TBC1D19: variants seen among roughly 807,000 people sequenced by gnomAD.
TBC1D19 encodes the protein TBC1 domain family, member 19.
In TBC1D19, 60 loss-of-function variants were observed where a neutral mutation model predicts 89.0. The observed-to-expected ratio is 0.67, with a 90% confidence interval of 0.55 to 0.84. The LOEUF is 0.84. Ranked by LOEUF, TBC1D19 falls within the 40% of genes least tolerant of loss-of-function variation. The pLI is 0.00. For synonymous variants in TBC1D19, 189 were observed against 199.7 expected (o/e 0.95, Z 0.45); for missense variants, 500 against 610.8 (o/e 0.82, Z 1.91).
intron 8 of TBC1D19, among the ~76,000 whole-genome samples, chr4:26,664,767 G>A (rs1711649193): frequency 6.6e-6 from 1 of 151,880 alleles, no homozygotes; most frequent in Non-Finnish European, 1.5e-5. Flanking sequence ...CCCTCCCCCT[G>A]TGCTCTCAGG....
the TBC1D19 span, among the ~76,000 whole-genome samples, chr4:26,777,555 C>T: frequency 3.9e-5 from 6 of 152,152 alleles, no homozygotes; most frequent in Admixed American, 6.5e-5. Context: ...TCTTATGCTT[C>T]AGCCTCCAGA....
chr4:26,745,457 G>A (rs955229620), intron 18 of TBC1D19, among the ~76,000 whole-genome samples: 3 of 118,992 alleles, frequency 2.5e-5, no homozygotes, highest in African/African-American at 9.5e-5. Flanking sequence ...TACTTTTAAA[G>A]TATGTTTTTG....
chr4:26,659,597 G>A lies in TBC1D19; in HGVS notation c.481G>A (p.Val161Ile), dbSNP rs1560454056. 6.4e-7 allele frequency: 1 copy of A among 1,574,738 alleles called. No homozygotes were observed. Among genetic ancestry groups the A allele is most frequent in the Admixed American group, 1.7e-5 (1 of 59,394 alleles). The stretch of plus-strand genomic sequence containing the variant: ...AATTTTGTTGGATTTGTTTTTAAAG[G>A]TATTAATTAATCTTCGCAACCCAAA... ...PVYAPKDFLE[V>I]LINLRNPNYE... The change falls in exon 8 of 21, where the codon GTA (valine) becomes ATA (isoleucine). Residue 161 changes from valine (V) to isoleucine (I), a missense_variant and splice_region_variant. Transcript: ENST00000264866.
chr4:26,664,408 A>G (rs968183965), intron 8 of TBC1D19, among the ~76,000 whole-genome samples: 6 of 152,124 alleles, frequency 3.9e-5, no homozygotes, highest in African/African-American at 1.4e-4. Context: ...AGCCTAAGTA[A>G]AACTCTCCAT....
At chr4:26,800,371 C>T in the TBC1D19 span, among the ~76,000 whole-genome samples, 27 of 152,136 alleles carry the variant, frequency 1.8e-4, no homozygotes, top group Admixed American at 2.0e-4. Flanking sequence ...TTCCATGGTA[C>T]ATATGTGCTA....
chr4:26,633,839 C>T (rs1333750787), intron 4 of TBC1D19, among the ~76,000 whole-genome samples: 1 of 152,128 alleles, frequency 6.6e-6, no homozygotes, highest in Non-Finnish European at 1.5e-5. Flanking sequence ...GCAGAAGCTA[C>T]TTCTTTTGTT....
chr4:26,602,527 C>T (rs566967981), intron 1 of TBC1D19, among the ~76,000 whole-genome samples: 49 of 150,530 alleles, frequency 3.3e-4, no homozygotes, highest in Non-Finnish European at 5.0e-4. Flanking sequence ...CTGCAAGCGC[C>T]GCCTCCGGGT....
chr4:26,640,201 G>C lies in TBC1D19; in HGVS notation c.480+14G>C. On this transcript the variant is annotated intron_variant, in intron 7 of 20. Transcript: ENST00000264866. ...GATTTTCTTGAGGTAGGTTCTATTG[G>C]ATAAATACACATATATTAATGAATG... 1 of 1,578,434 alleles carries C rather than the reference G, an allele frequency of 6.3e-7. No homozygotes were observed. The highest frequency in any genetic ancestry group is 8.7e-7 in the Non-Finnish European group (1 of 1,149,962).
chr4:26,605,189 G>A (rs1292659133), intron 1 of TBC1D19, among the ~76,000 whole-genome samples: 1 of 143,084 alleles, frequency 7.0e-6, no homozygotes, highest in Non-Finnish European at 1.5e-5. Flanking sequence ...ATCTCCTAAT[G>A]CTATCCCTCC....
At chr4:26,622,244 T>A (rs1742103348) in intron 4 of TBC1D19, among the ~76,000 whole-genome samples, 1 of 151,900 alleles carries the variant, frequency 6.6e-6, no homozygotes, top group Non-Finnish European at 1.5e-5. Flanking sequence ...TAAAGTATAA[T>A]AATAATAATA....
chr4:26,580,007 T>C (rs1739037022), upstream of TBC1D19, among the ~76,000 whole-genome samples: 1 of 152,230 alleles, frequency 6.6e-6, no homozygotes, highest in Admixed American at 6.5e-5. Flanking sequence ...TCCAGACTTG[T>C]TGGTAATAAT....
chr4:26,591,069 TC>T (rs1335012156), intron 1 of TBC1D19, among the ~76,000 whole-genome samples: 4 of 114,612 alleles, frequency 3.5e-5, no homozygotes, highest in Non-Finnish European at 6.2e-5. Flanking sequence ...ATTCCTCCCT[TC>T]CCCCTGAGAC....
At chr4:26,731,431 A>G (rs568633959) in intron 15 of TBC1D19, among the ~76,000 whole-genome samples, 1 of 152,248 alleles carries the variant, frequency 6.6e-6, no homozygotes, top group East Asian at 1.9e-4. Flanking sequence ...CAGGAGAGGT[A>G]CATAATCACA....
intron 12 of TBC1D19, among the ~76,000 whole-genome samples, chr4:26,686,418 GTTTTTT>G (rs935540080): frequency 1.4e-5 from 2 of 142,486 alleles, no homozygotes; most frequent in African/African-American, 5.1e-5. Flanking sequence ...TTTGTGTTTT[GTTTTTT>G]TTTTTAACAA....
chr4:26,611,304 G>A (rs1741367749), intron 1 of TBC1D19, among the ~76,000 whole-genome samples: 1 of 151,720 alleles, frequency 6.6e-6, no homozygotes. Flanking sequence ...AAATGTCTTT[G>A]TCTTTTTTTT....
the TBC1D19 span, among the ~76,000 whole-genome samples, chr4:26,851,347 A>ATCTGTCTG: frequency 5.4e-5 from 8 of 148,506 alleles, no homozygotes; most frequent in African/African-American, 2.0e-4. Flanking sequence ...CTATCTATCT[A>ATCTGTCTG]TCTATCTATC....
intron 19 of TBC1D19, among the ~76,000 whole-genome samples, chr4:26,749,398 A>G (rs947597537): frequency 6.6e-5 from 10 of 151,938 alleles, no homozygotes; most frequent in Admixed American, 5.9e-4. Flanking sequence ...TTAGTTGAAG[A>G]AGAATATGAT....
intron 15 of TBC1D19, among the ~76,000 whole-genome samples, chr4:26,725,506 G>A (rs1305492560): frequency 6.6e-6 from 1 of 151,934 alleles, no homozygotes; most frequent in African/African-American, 2.4e-5. Context: ...CGACCTCCTG[G>A]GCTTAAGTGA....
chr4:26,638,457 A>G lies in TBC1D19; in HGVS notation c.370-314A>G, dbSNP rs545503040. Among the ~76,000 whole-genome samples, 41 of 152,258 alleles carry G rather than the reference A, an allele frequency of 2.7e-4. 1 individual carries two copies. The Middle Eastern group carries it at 0.01, about 38-fold the overall frequency. On this transcript the variant is annotated intron_variant, in intron 5 of 20. Coordinates refer to ENST00000264866, the MANE Select transcript of TBC1D19 (RefSeq NM_018317.4). ...TGTGATGCTTTTCTGAGACTGCTGG[A>G]TGGGGGTAAGAGAAGTAGTATGTGG...
Sources: gnomAD v4.1 joint callset for allele counts (sites outside exome capture counted in the v4.1 genomes callset) on GRCh38, gnomAD v4.1.1 for gene constraint, MANE v1.5 for transcripts, NCBI Gene and HGNC (gene_info 2026-07-23, HGNC 2026-07-21) for gene names.